The following NISCH variants were observed in gnomAD, a reference collection of about 807,000 sequenced individuals.
NISCH encodes the protein I-1 receptor candidate protein.
In NISCH, 55 loss-of-function variants were observed where a neutral mutation model predicts 138.4. That is an observed-to-expected ratio of 0.40 (90% CI 0.32 to 0.50). The LOEUF is 0.50. NISCH is among the 20% of genes least tolerant of loss of function. The pLI is 0.71. For synonymous variants in NISCH, 860 were observed against 861.5 expected (o/e 1.00, Z 0.03); for missense variants, 1,643 against 2,005.5 (o/e 0.82, Z 3.45).
rs749939864 is a variant in NISCH at position 52,470,906 on chromosome 3, A to G, written c.408A>G (p.Lys136=). ...CACTGGCTGAAGAGCTCTTTGAGAA[A>G]GGTATGTGGCCACATGTCCCTGAAA... is the stretch of plus-strand genomic sequence containing the variant. ...TAALAEELFE[K]GEQLLGAGEV... is the part of the protein sequence containing the mutation. The change falls in exon 4 of 21, where the codon AAA becomes AAG. Residue 136 remains lysine, a splice_region_variant and synonymous_variant. Transcript: ENST00000345716. The G allele has an allele frequency of 1.1e-5, 17 of 1,613,920 alleles. No individual in the cohort carries two copies. The highest frequency in any genetic ancestry group is 2.7e-5 in the African/African-American group (2 of 74,880).
Position 52,455,612 on chromosome 3 carries a change from C to T in NISCH, c.-30C>T. 6 of 1,291,102 alleles carry T rather than the reference C, an allele frequency of 4.6e-6. No individual in the cohort carries two copies. The highest frequency in any genetic ancestry group is 2.0e-6 in the Non-Finnish European group (2 of 1,013,068). 80.0% of individuals were successfully genotyped at this position (1,291,102 alleles called of 1,614,324 possible). On this transcript the variant is annotated 5_prime_UTR_variant, in exon 1 of 21. Coordinates refer to ENST00000345716, the MANE Select transcript of NISCH (RefSeq NM_007184.4). The stretch of plus-strand genomic sequence containing the variant: ...CGCCCCCTGCTGCTGCTAGTCTGCG[C>T]CGGGCGGCGGTGGCGGCGGAGACCC...
intron 11 of NISCH, among the ~76,000 whole-genome samples, chr3:52,479,331 G>A (rs1480488204): frequency 2.6e-5 from 4 of 152,076 alleles, no homozygotes; most frequent in African/African-American, 9.7e-5. Context: ...CCTGCCGCTG[G>A]TTCCCCTACC....
At chr3:52,477,951 G>A in intron 9 of NISCH, 146 bp from the exon 10 acceptor site, 2 of 860,464 alleles carry the variant, frequency 2.3e-6, no homozygotes, top group Non-Finnish European at 3.7e-6. Context: ...GCAGAGAAGA[G>A]GGACTTCCCT....
Position 52,491,592 on chromosome 3 carries a change from G to C in NISCH, c.3904+79G>C, listed in dbSNP as rs1707567063. The C allele has an allele frequency of 2.7e-6, 4 of 1,458,158 alleles. No individual in the cohort carries two copies. In the South Asian group the frequency reaches 5.3e-5, roughly 19 times the overall value. 90.3% of individuals were successfully genotyped at this position (1,458,158 alleles called of 1,614,324 possible). ...CCCCAGGGTGGCTCTCTGTGCCCCA[G>C]AACCCTCTCTGCCTCTATGTCTCTC... On this transcript the variant is annotated intron_variant, in intron 20 of 20. Transcript: ENST00000345716.
intron 3 of NISCH, among the ~76,000 whole-genome samples, chr3:52,463,027 C>A (rs915159046): frequency 2.0e-5 from 3 of 152,184 alleles, no homozygotes; most frequent in African/African-American, 7.2e-5. Flanking sequence ...AGTATATTCA[C>A]AAAGTTGAGC....
rs1559621325 is a variant in NISCH at position 52,458,843 on chromosome 3, A to G, written c.359A>G (p.Tyr120Cys). ...VLAHFLHFHFYEINGITAALA... is the reference protein window; with the variant it reads ...VLAHFLHFHFCEINGITAALA... ...GCCCACTTCTTGCATTTTCACTTCT[A>G]TGTAAGTTCCTCATCGGGTTTTCAC... Residue 120 changes from tyrosine (Y) to cysteine (C), a missense_variant and splice_region_variant, in exon 3 of 21, where the codon TAT (tyrosine) becomes TGT (cysteine). Transcript: ENST00000345716. 6.3e-7 allele frequency: 1 copy of G among 1,587,212 alleles called. No homozygotes were observed. The highest frequency in any genetic ancestry group is 8.5e-7 in the Non-Finnish European group (1 of 1,169,622).
At chr3:52,481,333 G>A in intron 13 of NISCH, 1 of 1,000,852 alleles carries the variant, frequency 1.0e-6, no homozygotes, top group Non-Finnish European at 1.2e-6. Flanking sequence ...CCAACGCAGA[G>A]CAGCACACTG....
chr3:52,484,663 G>A, intron 14 of NISCH, 26 bp downstream of exon 14: 1 of 1,613,252 alleles, frequency 6.2e-7, no homozygotes, highest in Non-Finnish European at 8.5e-7. Context: ...CGCTTCTGGG[G>A]ACCATACATC....
In NISCH at chr3:52,487,050, G is replaced by A; in HGVS notation, c.1704-146G>A. 1 of 897,320 alleles carries A rather than the reference G, an allele frequency of 1.1e-6. No homozygotes were observed. 55.6% of individuals were successfully genotyped at this position (897,320 alleles called of 1,614,324 possible). On this transcript the variant is annotated intron_variant, in intron 15 of 20. Coordinates refer to ENST00000345716, the MANE Select transcript of NISCH (RefSeq NM_007184.4). The surrounding 1 kb of genome is among the most constrained non-coding windows in gnomAD (Gnocchi z 9.1). ...GCTCCCACCAGGGCCCTCATCCTGG[G>A]AACTGACTTGGCCATGTGGGAGGCT... is the stretch of plus-strand genomic sequence containing the variant.
intron 9 of NISCH, 171 bp from the exon 10 acceptor site, chr3:52,477,926 G>T (rs994446345): frequency 2.7e-6 from 2 of 729,946 alleles, no homozygotes; most frequent in African/African-American, 3.5e-5. Context: ...GTGCCACTGT[G>T]CTGTGGCATG....
Position 52,484,594 on chromosome 3 carries a change from C to T in NISCH, c.1610C>T (p.Ala537Val), listed in dbSNP as rs936444240. 12 of 1,613,826 alleles carry T rather than the reference C, an allele frequency of 7.4e-6. No individual in the cohort carries two copies. Among genetic ancestry groups the T allele is most frequent in the African/African-American group, 1.3e-5 (1 of 74,866 alleles). ...DSLTPEHQPI[A>V]QGCSDSLESI... ...CTGACTCCCGAGCACCAGCCCATTG[C>T]CCAGGGATGTTCTGATTCCTTGGAG... The change falls in exon 14 of 21, where the codon GCC becomes GTC. Residue 537 changes from alanine to valine, a missense_variant. Transcript: ENST00000345716.
In NISCH at chr3:52,492,743, T is replaced by C. The variant is rs1707604663; in HGVS notation, c.*261T>C. 4 of 514,532 alleles carry C rather than the reference T, an allele frequency of 7.8e-6. No homozygotes were observed. The highest frequency in any genetic ancestry group is 3.1e-5 in the South Asian group (1 of 32,044). 31.9% of individuals were successfully genotyped at this position (514,532 alleles called of 1,614,324 possible). A position where few individuals can be genotyped will look rare whatever the true frequency, so the allele number is the denominator to read the frequency against. On this transcript the variant is annotated 3_prime_UTR_variant, in exon 21 of 21. Transcript: ENST00000345716. ...TGCACACCAGTGTCGTGTCTGCTGT[T>C]GTGGGACCGTTGTTAACACGTGACA...
chr3:52,476,524 C>T lies in NISCH; in HGVS notation c.843C>T (p.Ala281=), dbSNP rs60805368. 13,639 of 1,613,972 alleles carry T rather than the reference C, an allele frequency of 8.5e-3. 1,017 individuals carry two copies. In the African/African-American group the frequency reaches 0.16, roughly 19 times the overall value. ...CAACCCTAGAAGGCCCTGTGACTGC[C>T]GTCATCCCCACTTGGCAGGCATTGA... The part of the protein sequence containing the change: ...EGTTLEGPVT[A]VIPTWQALTT... Residue 281 remains alanine, a synonymous_variant, in exon 8 of 21, where the codon GCC becomes GCT. Transcript: ENST00000345716.
intron 8 of NISCH, 139 bp from the exon 9 acceptor site, chr3:52,477,435 C>T (rs1707128820): frequency 1.5e-6 from 1 of 671,600 alleles, no homozygotes; most frequent in African/African-American, 1.8e-5. Flanking sequence ...GGAGATGTCC[C>T]ACCAGTGGTC....
intron 3 of NISCH, among the ~76,000 whole-genome samples, chr3:52,461,972 T>A (rs946312322): frequency 5.3e-5 from 8 of 152,176 alleles, no homozygotes; most frequent in Non-Finnish European, 1.2e-4. Context: ...GCTTGAGACC[T>A]ATGCCTTTGA....
chr3:52,458,653 T>C lies in NISCH; in HGVS notation c.178-9T>C, dbSNP rs1389864330. 6.2e-7 allele frequency: 1 copy of C among 1,609,900 alleles called. No homozygotes were observed. The highest frequency in any genetic ancestry group is 2.2e-5 in the East Asian group (1 of 44,858). On this transcript the variant is annotated splice_polypyrimidine_tract_variant and intron_variant, in intron 2 of 20. Transcript: ENST00000345716. ...AGTCTGTGGTTGATGTGCTTATGTT[T>C]TTTTACAGCTCGTTGCAGAGAGAAA...
In NISCH at chr3:52,490,060, GC is replaced by G; in HGVS notation, c.3457-9del. On this transcript the variant is annotated splice_polypyrimidine_tract_variant and intron_variant, in intron 17 of 20. Coordinates refer to ENST00000345716, the MANE Select transcript of NISCH (RefSeq NM_007184.4). ...GCTAGGGTGGTGGAGCTGACAGGAG[GC>G]CCCCCGTCTTCAGGTTGAAAACGAG... 2 of 1,613,082 alleles carry G rather than the reference GC, an allele frequency of 1.2e-6. No homozygotes were observed. The highest frequency in any genetic ancestry group is 1.3e-5 in the African/African-American group (1 of 75,020).
At position 52,487,374 on chromosome 3, in the gene NISCH, C is replaced by T. The variant is rs759391561; in HGVS notation, c.1882C>T (p.Arg628Trp). 1.2e-5 allele frequency: 20 copies of T among 1,613,880 alleles called. No homozygotes were observed. Among genetic ancestry groups the T allele is most frequent in the Admixed American group, 5.0e-5 (3 of 59,988 alleles). ...TGCCTGGATCGAGGCTGCCAACCAG[C>T]GGGAGGAGGGCCAGGGTGAACAGGG... Reference protein sequence around the residue: ...LPAWIEAANQREEGQGEQGEE... With the variant: ...LPAWIEAANQWEEGQGEQGEE... Residue 628 changes from arginine to tryptophan, a missense_variant, in exon 16 of 21, where the codon CGG (arginine) becomes TGG (tryptophan). Physicochemically the swap from Arg to Trp is moderately radical, Grantham distance 101. Coordinates refer to ENST00000345716, the MANE Select transcript of NISCH (RefSeq NM_007184.4). The surrounding 1 kb of genome is among the most constrained non-coding windows in gnomAD (Gnocchi z 9.1).
At position 52,492,644 on chromosome 3, in the gene NISCH, C is replaced by A; in HGVS notation, c.*162C>A. On this transcript the variant is annotated 3_prime_UTR_variant, in exon 21 of 21. Transcript: ENST00000345716. The stretch of plus-strand genomic sequence containing the variant: ...TGTGTGTGTTGTGTTAATTCTTTCT[C>A]ATGTTGGGAGTGAGAATGCCGGGCC... 1 of 1,047,410 alleles carries A rather than the reference C, an allele frequency of 9.5e-7. No individual in the cohort carries two copies. The highest frequency in any genetic ancestry group is 1.3e-6 in the Non-Finnish European group (1 of 749,574). 64.9% of individuals were successfully genotyped at this position (1,047,410 alleles called of 1,614,324 possible).
Sources: allele counts gnomAD v4.1 joint callset (sites outside exome capture counted in the v4.1 genomes callset), GRCh38; gene constraint gnomAD v4.1.1; non-coding constraint Gnocchi (gnomAD v3.1); transcripts MANE v1.5; gene names NCBI Gene and HGNC (gene_info 2026-07-23, HGNC 2026-07-21).